ADAMTS17: variants seen among roughly 807,000 people sequenced by gnomAD.
The protein encoded by ADAMTS17 is ADAM metallopeptidase with thrombospondin type 1 motif 17.
ADAMTS17 carries 113 observed loss-of-function variants against 141.5 expected under a neutral mutation model. That is an observed-to-expected ratio of 0.80 (90% CI 0.69 to 0.93). ADAMTS17 has a LOEUF of 0.93. Among genes scored for constraint, ADAMTS17 ranks in the 40% least tolerant of loss-of-function variants. ADAMTS17 has a pLI of 0.00. For missense variants in ADAMTS17, 1,659 were observed against 1,517.9 expected (o/e 1.09, Z -1.54); for synonymous variants, 768 against 630.6 (o/e 1.22, Z -3.27).
chr15:100,099,552 T>A (rs996007496), intron 14 of ADAMTS17, among the ~76,000 whole-genome samples: 1 of 152,218 alleles, frequency 6.6e-6, no homozygotes, highest in Non-Finnish European at 1.5e-5. Flanking sequence ...AGTCTTCCCA[T>A]GTTATCCTGG....
rs1480563888 is a variant in ADAMTS17 at position 100,058,226 on chromosome 15, A to C, written c.2138-4172T>G. On this transcript the variant is annotated intron_variant, in intron 15 of 21. Transcript: ENST00000268070. ...CCAACACCCCTATTCCGGCTCCAAC[A>C]CTCCTATCCCAGCTCTGACCCTCCT... 2.8e-3 allele frequency among the ~76,000 whole-genome samples: 36 copies of C among 12,996 alleles called. 7 individuals are homozygous for C. The highest frequency in any genetic ancestry group is 5.6e-3 in the South Asian group (2 of 360). The allele number at this position is 12,996 out of a possible 152,430, so 8.5% of individuals were successfully genotyped here. A position where few individuals can be genotyped will look rare whatever the true frequency, so the allele number is the denominator to read the frequency against.
In ADAMTS17 at chr15:99,997,282, C is replaced by G. The variant is rs989573258; in HGVS notation, c.2796+103G>C. On this transcript the variant is annotated intron_variant, in intron 19 of 21. Transcript: ENST00000268070. This position sits in a 1 kb window ranked among gnomAD's most constrained non-coding sequence, Gnocchi z 4.7. ...AGCTATAACACAACTTCAAGCTGACCTGGGGGCGAGCGAGGGCTGGGAGGC... is the reference window on the plus strand; with the variant it reads ...AGCTATAACACAACTTCAAGCTGACGTGGGGGCGAGCGAGGGCTGGGAGGC... 3.8e-6 allele frequency: 5 copies of G among 1,332,502 alleles called. No homozygotes were observed. The highest frequency in any genetic ancestry group is 5.4e-6 in the Non-Finnish European group (5 of 933,190). 82.5% of individuals were successfully genotyped at this position (1,332,502 alleles called of 1,614,324 possible). A position where few individuals can be genotyped will look rare whatever the true frequency, so the allele number is the denominator to read the frequency against.
chr15:100,076,443 C>T (rs1010675369), intron 15 of ADAMTS17, among the ~76,000 whole-genome samples: 1 of 152,122 alleles, frequency 6.6e-6, no homozygotes, highest in Non-Finnish European at 1.5e-5. Flanking sequence ...TAAGATTTTG[C>T]CAAGATTTTT....
intron 18 of ADAMTS17, among the ~76,000 whole-genome samples, chr15:100,020,670 T>C (rs2061390216): frequency 6.6e-6 from 1 of 152,206 alleles, no homozygotes; most frequent in African/African-American, 2.4e-5. Context: ...CTGGTAGTTA[T>C]GGCTTATAAA....
chr15:100,026,970 C>G (rs550588448), intron 18 of ADAMTS17, among the ~76,000 whole-genome samples: 2 of 152,338 alleles, frequency 1.3e-5, no homozygotes, highest in South Asian at 4.1e-4. Flanking sequence ...TATCATCTGT[C>G]TTTTCTATTT....
intron 3 of ADAMTS17, among the ~76,000 whole-genome samples, chr15:100,284,566 GC>G (rs1362219903): frequency 6.6e-6 from 1 of 152,180 alleles, no homozygotes; most frequent in African/African-American, 2.4e-5. Context: ...TTCCTGGGGT[GC>G]TGGCAAGTGA....
At chr15:100,271,187 G>T (rs1362322649) in intron 4 of ADAMTS17, among the ~76,000 whole-genome samples, 1 of 152,162 alleles carries the variant, frequency 6.6e-6, no homozygotes, top group African/African-American at 2.4e-5. Context: ...TAGTTATGGT[G>T]AATAATCCTG....
chr15:100,033,457 A>G (rs1242808661), intron 18 of ADAMTS17, among the ~76,000 whole-genome samples: 5 of 152,208 alleles, frequency 3.3e-5, no homozygotes, highest in African/African-American at 1.2e-4. Context: ...GCCTGCTCTC[A>G]TTCTAGCTGA....
rs575688305 is a variant in ADAMTS17 at position 99,971,687 on chromosome 15, C to T, written c.*2715G>A. On this transcript the variant is annotated 3_prime_UTR_variant, in exon 22 of 22. Transcript: ENST00000268070. ...ATCGTATTGCCATAGAGGCTCTTTT[C>T]CTGCATTCTGATCCTATCCAGCAAC... 3.9e-5 allele frequency: 6 copies of T among 152,280 alleles called. No individual in the cohort carries two copies. The highest frequency in any genetic ancestry group is 1.4e-4 in the African/African-American group (6 of 41,550). The allele number at this position is 152,280 out of a possible 1,614,324, so 9.4% of individuals were successfully genotyped here.
chr15:100,102,275 CCCGACCGAAGGAGATCTACATTTGAGGG>C (rs1250234080), intron 14 of ADAMTS17, among the ~76,000 whole-genome samples: 84 of 151,832 alleles, frequency 5.5e-4, no homozygotes, highest in Non-Finnish European at 7.1e-4. Flanking sequence ...CAACAGGAAG[CCCGACCGAAGGAGATCTACATTTGAGGG>C]CCGACCGAAG....
At chr15:100,338,965 C>A in intron 2 of ADAMTS17, 1 of 985,538 alleles carries the variant, frequency 1.0e-6, no homozygotes, top group Non-Finnish European at 1.2e-6. Context: ...CCAAGTCACC[C>A]CACTGTCTCT....
At chr15:100,242,773 C>G (rs969293368) in intron 7 of ADAMTS17, among the ~76,000 whole-genome samples, 1 of 152,224 alleles carries the variant, frequency 6.6e-6, no homozygotes, top group Non-Finnish European at 1.5e-5. Flanking sequence ...AAATAAAATT[C>G]ACAACACTGC....
intron 12 of ADAMTS17, among the ~76,000 whole-genome samples, chr15:100,119,168 A>C (rs140495114): frequency 5.3e-5 from 8 of 152,184 alleles, no homozygotes; most frequent in African/African-American, 9.6e-5. Context: ...CTCAGGAGAA[A>C]CCAACCCTGT....
At chr15:100,119,407 C>A (rs1443034184) in intron 12 of ADAMTS17, among the ~76,000 whole-genome samples, 1 of 152,156 alleles carries the variant, frequency 6.6e-6, no homozygotes, top group Admixed American at 6.5e-5. Context: ...TAAAGAAATA[C>A]AAATTAGGTG....
chr15:100,202,318 A>C (rs950364773), intron 7 of ADAMTS17, among the ~76,000 whole-genome samples: 1 of 152,210 alleles, frequency 6.6e-6, no homozygotes. Context: ...TTTTTTTTTA[A>C]CTAGAAAACA....
chr15:99,999,432 G>C (rs966870210), intron 18 of ADAMTS17, among the ~76,000 whole-genome samples: 6 of 152,300 alleles, frequency 3.9e-5, no homozygotes, highest in Admixed American at 6.5e-5. Context: ...GAGAGCCTGG[G>C]AGGAAGTGAG....
At chr15:100,095,488 T>C (rs1387838626) in intron 15 of ADAMTS17, among the ~76,000 whole-genome samples, 1 of 152,166 alleles carries the variant, frequency 6.6e-6, no homozygotes, top group African/African-American at 2.4e-5. Flanking sequence ...TCTGTTCTCT[T>C]GTTGGGGGAA....
rs1486636216 is a variant in ADAMTS17 at position 100,158,940 on chromosome 15, T to G, written c.1182-3620A>C. Among the ~76,000 whole-genome samples the G allele has an allele frequency of 3.3e-5, 5 of 152,156 alleles. No individual in the cohort carries two copies. In the East Asian group the frequency reaches 9.6e-4, roughly 29 times the overall value. ...ATGAGATACCACCTTACACCTCTCA[T>G]GATGTTTACTATGAAAATACAAAAC... On this transcript the variant is annotated intron_variant, in intron 8 of 21. Coordinates refer to ENST00000268070, the MANE Select transcript of ADAMTS17 (RefSeq NM_139057.4).
At chr15:100,073,865 G>A (rs995764135) in intron 15 of ADAMTS17, among the ~76,000 whole-genome samples, 6 of 151,986 alleles carry the variant, frequency 3.9e-5, no homozygotes, top group African/African-American at 1.4e-4. Flanking sequence ...GTATACATAT[G>A]TAACAAACCT....
Sources: allele counts gnomAD v4.1 joint callset (sites outside exome capture counted in the v4.1 genomes callset), GRCh38; gene constraint gnomAD v4.1.1; non-coding constraint Gnocchi (gnomAD v3.1); transcripts MANE v1.5; gene names NCBI Gene and HGNC (gene_info 2026-07-23, HGNC 2026-07-21).